The following TM7SF3 variants were observed in gnomAD, a reference collection of about 807,000 sequenced individuals.
TM7SF3 encodes seven span transmembrane protein.
In TM7SF3, 60 loss-of-function variants were observed where a neutral mutation model predicts 65.5. The ratio of observed to expected loss-of-function variants is 0.92; its 90% CI spans 0.74 to 1.14. TM7SF3 has a LOEUF of 1.14. Ranked by LOEUF, TM7SF3 falls within the 50% of genes most tolerant of loss-of-function variation. The pLI, the probability that TM7SF3 is intolerant of heterozygous loss-of-function variation, is 0.00. For missense variants in TM7SF3, 623 were observed against 684.8 expected (o/e 0.91, Z 1.01); for synonymous variants, 264 against 259.6 (o/e 1.02, Z -0.16).
chr12:27,008,651 C>A (rs1941132786), intron 1 of TM7SF3, among the ~76,000 whole-genome samples: 1 of 152,098 alleles, frequency 6.6e-6, no homozygotes, highest in African/African-American at 2.4e-5. Flanking sequence ...TTTTATCTTT[C>A]ACATTTAGAG....
chr12:27,003,570 GGTCATCCAGCCA>G, intron 1 of TM7SF3, among the ~76,000 whole-genome samples, 180 bp from the exon 2 acceptor site: 1 of 152,144 alleles, frequency 6.6e-6, no homozygotes. Context: ...GCCCATCCAG[GGTCATCCAGCCA>G]GTGAATGGTA....
intron 9 of TM7SF3, among the ~76,000 whole-genome samples, chr12:26,977,461 G>A (rs1939615998): frequency 6.6e-6 from 1 of 152,206 alleles, no homozygotes; most frequent in Admixed American, 6.5e-5. Flanking sequence ...AAAAATATGG[G>A]TAGGCCTCTT....
At chr12:26,982,938 C>CA in intron 6 of TM7SF3, 79 bp from the exon 7 acceptor site, 4 of 1,024,866 alleles carry the variant, frequency 3.9e-6, no homozygotes, top group Middle Eastern at 2.9e-4. Context: ...GAACCTTCAT[C>CA]AAAAAAGCTA....
chr12:26,985,637 AAAAAAAAAAAAAAAAATATATAT>A (rs1300976541), intron 6 of TM7SF3, among the ~76,000 whole-genome samples: 1 of 51,614 alleles, frequency 1.9e-5, no homozygotes, highest in African/African-American at 8.5e-5. Context: ...AAAAAAAAAA[AAAAAAAAAAAAAAAAATATATAT>A]ATATATATAT....
In TM7SF3 at chr12:26,996,854, G is replaced by A. The variant is rs536065916; in HGVS notation, c.406C>T (p.Pro136Ser). 2.0e-5 allele frequency: 32 copies of A among 1,608,986 alleles called. No individual in the cohort carries two copies. The South Asian group carries it at 3.1e-4, about 16-fold the overall frequency. ...LLSYSERDPV[P>S]GGCNLEFDLD... ...TCGAACTCCAAATTACAGCCTCCAGGGACAGGATCTGGATAAGAAATAGGG... is the reference window on the plus strand; with the variant it reads ...TCGAACTCCAAATTACAGCCTCCAGAGACAGGATCTGGATAAGAAATAGGG... The change falls in exon 4 of 12, where the codon CCT (proline) becomes TCT (serine). Residue 136 changes from proline to serine, a missense_variant. By Grantham distance (74) the Pro-to-Ser change is moderately conservative. Transcript: ENST00000343028.
At chr12:26,999,738 T>G in intron 2 of TM7SF3, 62 bp from the exon 3 acceptor site, 1 of 1,566,994 alleles carries the variant, frequency 6.4e-7, no homozygotes, top group Non-Finnish European at 8.8e-7. Flanking sequence ...ATTACTGAGC[T>G]GATCCAGTGT....
rs1940910025 is a variant in TM7SF3, at chr12:27,003,359, T to C, written c.123A>G (p.Arg41=). The change falls in exon 2 of 12, where the codon AGA becomes AGG. Residue 41 remains arginine (R), a synonymous_variant. Transcript: ENST00000343028. ...GAAAGGGCCTATTGAGCTCGAAGTA[T>C]CTAAATTTCCCCACAGAAAATTCAA... ...GLIEFSVGKF[R]YFELNRPFPE... 1.9e-6 allele frequency: 3 copies of C among 1,612,774 alleles called. No individual in the cohort carries two copies. Among genetic ancestry groups the C allele is most frequent in the Non-Finnish European group, 2.5e-6 (3 of 1,179,754 alleles).
At chr12:26,989,227 G>A (rs1460605918) in intron 6 of TM7SF3, among the ~76,000 whole-genome samples, 2 of 152,168 alleles carry the variant, frequency 1.3e-5, no homozygotes, top group Admixed American at 1.3e-4. Context: ...CTTGAGGCCA[G>A]GAGTTTGAGA....
intron 3 of TM7SF3, among the ~76,000 whole-genome samples, 190 bp downstream of exon 3, chr12:26,999,336 C>T (rs1940732957): frequency 6.6e-6 from 1 of 151,622 alleles, no homozygotes; most frequent in African/African-American, 2.4e-5. Context: ...GCAGAGGTTG[C>T]AGTGAGCCGA....
chr12:26,977,293 G>C (rs536253541), intron 9 of TM7SF3, among the ~76,000 whole-genome samples: 9 of 152,344 alleles, frequency 5.9e-5, no homozygotes, highest in Admixed American at 2.6e-4. Flanking sequence ...CTTGTAAAAG[G>C]CTTTCAAGAA....
chr12:26,998,014 T>G (rs1001314748), intron 3 of TM7SF3, among the ~76,000 whole-genome samples: 2 of 152,046 alleles, frequency 1.3e-5, no homozygotes, highest in Admixed American at 1.3e-4. Flanking sequence ...TTAGTAGAGA[T>G]AGAGTTTCGC....
chr12:26,997,367 T>C (rs992764272), intron 3 of TM7SF3, among the ~76,000 whole-genome samples: 5 of 152,184 alleles, frequency 3.3e-5, no homozygotes, highest in Non-Finnish European at 7.3e-5. Flanking sequence ...TGTTTCAATA[T>C]CATGTTGGAA....
chr12:26,994,021 C>T (rs1470286973), intron 5 of TM7SF3, among the ~76,000 whole-genome samples: 2 of 152,148 alleles, frequency 1.3e-5, no homozygotes, highest in African/African-American at 4.8e-5. Flanking sequence ...CTTTGACATA[C>T]CCTCATTAGT....
intron 7 of TM7SF3, among the ~76,000 whole-genome samples, chr12:26,981,517 G>GA (rs924982654): frequency 3.5e-4 from 47 of 135,780 alleles, no homozygotes; most frequent in East Asian, 4.3e-4. Flanking sequence ...TCTTTAAAAA[G>GA]AAAAAAAAAA....
chr12:27,002,015 ATT>A (rs2136439306), intron 2 of TM7SF3, among the ~76,000 whole-genome samples: 2 of 152,208 alleles, frequency 1.3e-5, no homozygotes, highest in African/African-American at 4.8e-5. Context: ...TTTCTAGTCT[ATT>A]AACTACCCCC....
At chr12:26,977,956 C>G in intron 9 of TM7SF3, 1 of 261,648 alleles carries the variant, frequency 3.8e-6, no homozygotes, top group Middle Eastern at 1.4e-3. Context: ...GCTTACCAGG[C>G]ATGGCAGCAC....
Position 26,999,662 on chromosome 12 carries a change from AT to A in TM7SF3, c.260del (p.Asn87IlefsTer59). 1 of 1,614,044 alleles carries A rather than the reference AT, an allele frequency of 6.2e-7. No homozygotes were observed. ...CACTGGCAGTGCCTGTTTCCGAGGA[AT>A]TGGAAAGGAGAGTCTGCAGTCCAGA... ...TVSFSPTLLS[N>X]SSETGTASGL... On this transcript the variant is annotated frameshift_variant, in exon 3 of 12. Transcript: ENST00000343028. LOFTEE classifies it high-confidence loss of function.
At chr12:26,998,072 TGC>T (rs1453322501) in intron 3 of TM7SF3, among the ~76,000 whole-genome samples, 3 of 152,066 alleles carry the variant, frequency 2.0e-5, no homozygotes, top group African/African-American at 7.2e-5. Context: ...AAATTATACC[TGC>T]AACCTGCTTC....
In TM7SF3 at chr12:26,973,616, A is replaced by G. The variant is rs982878661; in HGVS notation, c.*349T>C. On this transcript the variant is annotated 3_prime_UTR_variant, in exon 12 of 12. Coordinates refer to ENST00000343028, the MANE Select transcript of TM7SF3 (RefSeq NM_016551.3). ...GGTGAGAGACTTGTTTCAAGGGGTT[A>G]TAAAAAGAAACACCAGTGCTCTGCA... 5.5e-6 allele frequency: 1 copy of G among 180,938 alleles called. No homozygotes were observed. The highest frequency in any genetic ancestry group is 1.1e-5 in the Non-Finnish European group (1 of 86,968). 11.2% of individuals were successfully genotyped at this position (180,938 alleles called of 1,614,324 possible).
Sources: gnomAD v4.1 joint callset for allele counts (sites outside exome capture counted in the v4.1 genomes callset) on GRCh38, gnomAD v4.1.1 for gene constraint, MANE v1.5 for transcripts, NCBI Gene and HGNC (gene_info 2026-07-23, HGNC 2026-07-21) for gene names.